The following OPRM1 variants were observed in gnomAD, a reference collection of about 807,000 sequenced individuals.
OPRM1 encodes mu-type opioid receptor.
A neutral mutation model predicts 31.8 loss-of-function variants in OPRM1; 27 were observed. The ratio of observed to expected loss-of-function variants is 0.85; its 90% CI spans 0.63 to 1.17. The LOEUF is 1.17. Among genes scored for constraint, OPRM1 ranks in the 50% most tolerant of loss-of-function variants. The pLI, the probability that OPRM1 is intolerant of heterozygous loss-of-function variation, is 0.00. For missense variants in OPRM1, 536 were observed against 511.1 expected, an observed-to-expected ratio of 1.05 and a Z score of -0.47; for synonymous variants, 196 against 189.9, an observed-to-expected ratio of 1.03 and a Z score of -0.26.
chr6:154,079,227 G>A (rs1788563032), intron 1 of OPRM1, among the ~76,000 whole-genome samples: 1 of 152,238 alleles, frequency 6.6e-6, no homozygotes, highest in Non-Finnish European at 1.5e-5. Context: ...GTGCCCCAGG[G>A]TCCCCTGGAG....
At position 154,120,429 on chromosome 6, in the gene OPRM1, T is replaced by C. The variant is rs1309164358; in HGVS notation, c.*1708T>C. ...AGTGTTTCCTTCTGATGAAGTTTCA[T>C]GTTTGCTTGTAATAATCTCCATTTC... On this transcript the variant is annotated 3_prime_UTR_variant, in exon 4 of 4. Transcript: ENST00000330432. Among the ~76,000 whole-genome samples the C allele has an allele frequency of 2.6e-5, 4 of 152,206 alleles. No homozygotes were observed. The highest frequency in any genetic ancestry group is 9.6e-5 in the African/African-American group (4 of 41,468).
At chr6:154,045,095 G>T (rs1005345446) in intron 1 of OPRM1, among the ~76,000 whole-genome samples, 3 of 151,906 alleles carry the variant, frequency 2.0e-5, no homozygotes, top group African/African-American at 7.3e-5. Flanking sequence ...ACTGGGTGGC[G>T]CATGCTTGTA....
At chr6:154,152,390 A>AAGAAGGAGAGAG (rs1360734115) in intron 3 of OPRM1, among the ~76,000 whole-genome samples, 1 of 126,198 alleles carries the variant, frequency 7.9e-6, no homozygotes, top group African/African-American at 3.1e-5. Context: ...GAAAGAAAGA[A>AAGAAGGAGAGAG]AGAGAAATAG....
exon 1 of OPRM1, chr6:154,010,953 G>C: frequency 7.7e-7 from 1 of 1,297,534 alleles, no homozygotes. Context: ...ACAGAACTCT[G>C]ATATCCTCTC....
chr6:154,183,784 G>A (rs1212036272), intron 3 of OPRM1, among the ~76,000 whole-genome samples: 1 of 151,944 alleles, frequency 6.6e-6, no homozygotes, highest in African/African-American at 2.4e-5. Flanking sequence ...TAGCTACGTG[G>A]GAGGCTGAGG....
At chr6:154,206,529 T>A (rs1777508685) in intron 3 of OPRM1, among the ~76,000 whole-genome samples, 2 of 152,200 alleles carry the variant, frequency 1.3e-5, no homozygotes, top group Admixed American at 1.3e-4. Context: ...TGGCTCTGAC[T>A]TTAAGAATTT....
downstream of OPRM1, among the ~76,000 whole-genome samples, chr6:154,135,514 TATAGATATAGATA>T (rs1271767104): frequency 6.6e-6 from 1 of 152,014 alleles, no homozygotes; most frequent in African/African-American, 2.4e-5. Context: ...TAGATATAGA[TATAGATATAGATA>T]TAGATATAGA....
chr6:154,103,410 T>C (rs1434550837), intron 3 of OPRM1, among the ~76,000 whole-genome samples: 1 of 152,184 alleles, frequency 6.6e-6, no homozygotes, highest in Non-Finnish European at 1.5e-5. Context: ...ATAAATTTTA[T>C]TTTCTTAGAA....
intron 3 of OPRM1, among the ~76,000 whole-genome samples, chr6:154,139,018 C>T (rs988768498): frequency 2.0e-5 from 3 of 152,236 alleles, no homozygotes; most frequent in Non-Finnish European, 4.4e-5. Context: ...CCAAGCCAAC[C>T]AATCAGCACT....
chr6:154,052,560 C>T (rs955274099), intron 1 of OPRM1, among the ~76,000 whole-genome samples: 2 of 152,104 alleles, frequency 1.3e-5, no homozygotes, highest in African/African-American at 4.8e-5. Context: ...CTTTTGATTT[C>T]TTTCAACCAT....
intron 3 of OPRM1, among the ~76,000 whole-genome samples, chr6:154,099,306 A>AT (rs1793971414): frequency 1.3e-5 from 1 of 74,788 alleles, no homozygotes; most frequent in Non-Finnish European, 2.3e-5. Flanking sequence ...GAAGGAAGGA[A>AT]GAAAGGAAGG....
chr6:154,224,398 C>G (rs1779092240), intron 3 of OPRM1, among the ~76,000 whole-genome samples: 1 of 152,254 alleles, frequency 6.6e-6, no homozygotes, highest in South Asian at 2.1e-4. Flanking sequence ...ACCTGAAATG[C>G]CTTCCTCTTA....
intron 3 of OPRM1, chr6:154,214,336 T>C (rs1778211532): frequency 9.1e-7 from 1 of 1,100,032 alleles, no homozygotes; most frequent in Non-Finnish European, 1.4e-6. Context: ...CCCATTCACC[T>C]TCCCCCAGAG....
chr6:154,186,392 T>C (rs72999473), intron 3 of OPRM1, among the ~76,000 whole-genome samples: 14,216 of 152,240 alleles, frequency 0.093, 1,024 homozygotes, highest in African/African-American at 0.2. Flanking sequence ...CATTTTAAAA[T>C]ATACACAGCA....
rs1797125844 is a variant in OPRM1, at chr6:154,118,675, C to A, written c.1165-8C>A. ...TGTTCACTGTCTTTGCTCTTTCTCTCCTTTCAGCTAGAAAATCTGGAAGCA... is the reference window on the plus strand; with the variant it reads ...TGTTCACTGTCTTTGCTCTTTCTCTACTTTCAGCTAGAAAATCTGGAAGCA... On this transcript the variant is annotated splice_region_variant and splice_polypyrimidine_tract_variant and intron_variant, in intron 3 of 3. Coordinates refer to ENST00000330432, the MANE Select transcript of OPRM1 (RefSeq NM_000914.5). The A allele has an allele frequency of 6.2e-7, 1 of 1,612,970 alleles. No homozygotes were observed. The highest frequency in any genetic ancestry group is 1.3e-5 in the African/African-American group (1 of 74,890).
intron 3 of OPRM1, among the ~76,000 whole-genome samples, chr6:154,180,414 A>ATAT (rs1241250621): frequency 1.1e-4 from 7 of 65,266 alleles, no homozygotes; most frequent in East Asian, 1.0e-3. Context: ...ATATATATAT[A>ATAT]TTTTTTTTTT....
At chr6:154,232,209 T>C (rs1168440312) in intron 3 of OPRM1, among the ~76,000 whole-genome samples, 4 of 152,160 alleles carry the variant, frequency 2.6e-5, no homozygotes, top group Non-Finnish European at 5.9e-5. Context: ...CCTGCAACTA[T>C]CACAGAGAGC....
intron 1 of OPRM1, among the ~76,000 whole-genome samples, chr6:154,054,142 G>A (rs912159752): frequency 5.3e-5 from 8 of 152,052 alleles, no homozygotes; most frequent in Admixed American, 4.6e-4. Flanking sequence ...GGCCGAGGCC[G>A]GCGGATCACG....
chr6:154,212,895 C>T (rs778316618), intron 3 of OPRM1: 2 of 1,347,210 alleles, frequency 1.5e-6, no homozygotes, highest in South Asian at 1.2e-5. Flanking sequence ...TTAACGCTGT[C>T]ATCGCTTATT....
Sources: gnomAD v4.1 joint callset for allele counts (sites outside exome capture counted in the v4.1 genomes callset) on GRCh38, gnomAD v4.1.1 for gene constraint, MANE v1.5 for transcripts, NCBI Gene and HGNC (gene_info 2026-07-23, HGNC 2026-07-21) for gene names.